IL23R: variants seen among roughly 807,000 people sequenced by gnomAD.
IL23R encodes interleukin-23 receptor.
A neutral mutation model predicts 56.9 loss-of-function variants in IL23R; 34 were observed. The observed-to-expected ratio is 0.60, with a 90% confidence interval of 0.45 to 0.80. The LOEUF (loss-of-function observed/expected upper bound fraction) is 0.80. Among genes scored for constraint, IL23R ranks in the 30% least tolerant of loss-of-function variants. The probability of loss-of-function intolerance (pLI) is 0.00; values close to 1 mark genes in which losing one functional copy is unlikely to be tolerated. For missense variants in IL23R, 635 were observed against 730.0 expected (o/e 0.87, Z 1.50); for synonymous variants, 230 against 249.2 (o/e 0.92, Z 0.73).
chr1:67,208,088 A>G (rs992681215), intron 6 of IL23R, among the ~76,000 whole-genome samples: 1 of 152,200 alleles, frequency 6.6e-6, no homozygotes, highest in Non-Finnish European at 1.5e-5. Flanking sequence ...CCTGCCCTAG[A>G]GATCTGTGGA....
intron 9 of IL23R, among the ~76,000 whole-genome samples, chr1:67,244,320 A>G (rs1157135436): frequency 2.0e-5 from 3 of 151,960 alleles, no homozygotes; most frequent in Non-Finnish European, 4.4e-5. Context: ...GTTTAATTAG[A>G]TCCCATTTGT....
chr1:67,240,375 G>C (rs1247154771), intron 9 of IL23R, 94 bp downstream of exon 9: 1 of 783,332 alleles, frequency 1.3e-6, no homozygotes, highest in Non-Finnish European at 2.2e-6. Context: ...AGAAAAATCT[G>C]TTAACATTTT....
chr1:67,230,886 A>G (rs1313691344), intron 7 of IL23R, among the ~76,000 whole-genome samples: 1 of 152,230 alleles, frequency 6.6e-6, no homozygotes, highest in Non-Finnish European at 1.5e-5. Flanking sequence ...TTCTGACCAC[A>G]GAGCTAAACT....
chr1:67,241,743 G>A (rs1249086353), intron 9 of IL23R, among the ~76,000 whole-genome samples: 1 of 152,184 alleles, frequency 6.6e-6, no homozygotes, highest in Non-Finnish European at 1.5e-5. Flanking sequence ...GCATACCAGG[G>A]AGATTACTAT....
chr1:67,185,405 C>A (rs866073870), intron 4 of IL23R, among the ~76,000 whole-genome samples: 14 of 152,008 alleles, frequency 9.2e-5, no homozygotes, highest in Admixed American at 3.3e-4. Context: ...TAAAAAAAAT[C>A]TTTTTATTTA....
At chr1:67,233,993 GC>G (rs1178116957) in intron 7 of IL23R, among the ~76,000 whole-genome samples, 1 of 147,930 alleles carries the variant, frequency 6.8e-6, no homozygotes, top group African/African-American at 2.5e-5. Flanking sequence ...GTTTGCTAAT[GC>G]TTTTGTATGT....
At chr1:67,183,347 C>T (rs1049940467) in intron 4 of IL23R, among the ~76,000 whole-genome samples, 7 of 152,054 alleles carry the variant, frequency 4.6e-5, no homozygotes, top group African/African-American at 1.7e-4. Context: ...CCAGCCTGGC[C>T]AACATGGTGA....
At chr1:67,234,492 A>G (rs982787473) in intron 7 of IL23R, among the ~76,000 whole-genome samples, 7 of 152,218 alleles carry the variant, frequency 4.6e-5, no homozygotes, top group African/African-American at 1.4e-4. Flanking sequence ...TAATAACTGA[A>G]TGAAGTTTCA....
At chr1:67,234,571 T>C (rs756146644) in intron 7 of IL23R, among the ~76,000 whole-genome samples, 2 of 152,102 alleles carry the variant, frequency 1.3e-5, no homozygotes, top group African/African-American at 2.4e-5. Context: ...AACAACACCA[T>C]ATATTACTTT....
At position 67,168,082 on chromosome 1, in the gene IL23R, T is replaced by C. The variant is rs753702235; in HGVS notation, c.-29-10T>C. 7.1e-7 allele frequency: 1 copy of C among 1,404,302 alleles called. No homozygotes were observed. Among genetic ancestry groups the C allele is most frequent in the Non-Finnish European group, 1.0e-6 (1 of 989,982 alleles). 87.0% of individuals were successfully genotyped at this position (1,404,302 alleles called of 1,614,324 possible). On this transcript the variant is annotated splice_polypyrimidine_tract_variant and intron_variant, in intron 1 of 10. Coordinates refer to ENST00000347310, the MANE Select transcript of IL23R (RefSeq NM_144701.3). ...CTACAATTTAAACATTTTTCATATTTTTTTTCCAGAGGGAAACAGTCTTTT... is the reference window on the plus strand; with the variant it reads ...CTACAATTTAAACATTTTTCATATTCTTTTTCCAGAGGGAAACAGTCTTTT...
rs368291075 is a variant in IL23R, at chr1:67,240,274, C to T, written c.1141C>T (p.Arg381Ter). 16 of 1,607,370 alleles carry T rather than the reference C, an allele frequency of 1.0e-5. No homozygotes were observed. Among genetic ancestry groups the T allele is most frequent in the South Asian group, 4.4e-5 (4 of 90,922 alleles). ...SLIGIFNRSF[R>*]TGIKRRILLL... The stretch of plus-strand genomic sequence containing the variant: ...GATTGGGATATTTAACAGATCATTC[C>T]GAACTGGGTAGGTTTTTGCAGAATT... Residue 381 changes from arginine to a stop codon, truncating the protein, a stop_gained, in exon 9 of 11, where the codon CGA (arginine) becomes TGA (stop). Coordinates refer to ENST00000347310, the MANE Select transcript of IL23R (RefSeq NM_144701.3). LOFTEE classifies it high-confidence loss of function.
intron 3 of IL23R, among the ~76,000 whole-genome samples, chr1:67,178,360 A>G (rs1229299147): frequency 3.3e-5 from 5 of 151,966 alleles, no homozygotes; most frequent in African/African-American, 7.3e-5. Flanking sequence ...ATTCCTAGGT[A>G]TTTTATTCTC....
chr1:67,234,530 A>T (rs926260862), intron 7 of IL23R, among the ~76,000 whole-genome samples: 2 of 152,202 alleles, frequency 1.3e-5, no homozygotes, highest in Non-Finnish European at 2.9e-5. Context: ...TAGTTTATAC[A>T]ACAGAATTAC....
chr1:67,139,936 G>T (rs1216587506), intron 1 of IL23R, among the ~76,000 whole-genome samples: 1 of 152,152 alleles, frequency 6.6e-6, no homozygotes, highest in Non-Finnish European at 1.5e-5. Context: ...ATTATCATGG[G>T]AGTGGGATTG....
chr1:67,232,073 A>G (rs955918467), intron 7 of IL23R, among the ~76,000 whole-genome samples: 4 of 152,126 alleles, frequency 2.6e-5, no homozygotes, highest in African/African-American at 4.8e-5. Context: ...AAAGAGTATG[A>G]TCTCCACTAG....
chr1:67,204,588 C>A (rs1309105273), intron 5 of IL23R, among the ~76,000 whole-genome samples: 2 of 152,100 alleles, frequency 1.3e-5, no homozygotes. Flanking sequence ...CAGAATAATT[C>A]TTTTGCCAAA....
chr1:67,253,889 G>T (rs1466735854), intron 9 of IL23R, among the ~76,000 whole-genome samples: 4 of 151,964 alleles, frequency 2.6e-5, no homozygotes, highest in East Asian at 1.9e-4. Flanking sequence ...GCAATTCTTT[G>T]CTCATTTAAT....
At chr1:67,188,538 AT>A (rs1647515812) in intron 4 of IL23R, among the ~76,000 whole-genome samples, 1 of 152,246 alleles carries the variant, frequency 6.6e-6, no homozygotes, top group African/African-American at 2.4e-5. Context: ...AAAAAAGCAA[AT>A]TATAGGAAGT....
chr1:67,247,605 A>G (rs1003373110), intron 9 of IL23R, among the ~76,000 whole-genome samples: 1 of 152,144 alleles, frequency 6.6e-6, no homozygotes, highest in African/African-American at 2.4e-5. Context: ...TGCCCAGCCT[A>G]GTCCATTTAC....
Sources: gnomAD v4.1 joint callset for allele counts (sites outside exome capture counted in the v4.1 genomes callset) on GRCh38, gnomAD v4.1.1 for gene constraint, MANE v1.5 for transcripts, NCBI Gene and HGNC (gene_info 2026-07-23, HGNC 2026-07-21) for gene names.